Variants in ENTPD5 observed in about 807,000 individuals in gnomAD.
ENTPD5 encodes ectonucleoside triphosphate diphosphohydrolase 5 (inactive).
In ENTPD5, 49 loss-of-function variants were observed where a neutral mutation model predicts 60.2. That is an observed-to-expected ratio of 0.81 (90% CI 0.65 to 1.03). The LOEUF (loss-of-function observed/expected upper bound fraction) is 1.03. Ranked by LOEUF, ENTPD5 falls within the 50% of genes least tolerant of loss-of-function variation. The probability of loss-of-function intolerance (pLI) is 0.00; values close to 1 mark genes in which losing one functional copy is unlikely to be tolerated. For missense variants in ENTPD5, 480 were observed against 507.6 expected, an observed-to-expected ratio of 0.95 and a Z score of 0.52; for synonymous variants, 187 against 185.4, an observed-to-expected ratio of 1.01 and a Z score of -0.07.
At chr14:73,971,184 G>A (rs1272155220) in intron 14 of ENTPD5, among the ~76,000 whole-genome samples, 6 of 149,644 alleles carry the variant, frequency 4.0e-5, no homozygotes, top group African/African-American at 1.5e-4. Context: ...TTGAGGTGGA[G>A]TCTCACTCTG....
At chr14:73,962,315 C>T (rs2056780410), downstream of ENTPD5, among the ~76,000 whole-genome samples, 1 of 151,828 alleles carries the variant, frequency 6.6e-6, no homozygotes, top group South Asian at 2.1e-4. Flanking sequence ...TTTGCCTTCC[C>T]AAGGGTTACA....
At position 73,964,846 on chromosome 14, in the gene ENTPD5, G is replaced by A. The variant is rs2056909169; in HGVS notation, c.*2082C>T. On this transcript the variant is annotated 3_prime_UTR_variant, in exon 16 of 16. Transcript: ENST00000334696. ...CCACTTAGAAGATAGGTAGATTTCAGCTCAATATAAGGAATTTTTTTTAAT... is the reference window on the plus strand; with the variant it reads ...CCACTTAGAAGATAGGTAGATTTCAACTCAATATAAGGAATTTTTTTTAAT... 1.3e-5 allele frequency: 2 copies of A among 149,810 alleles called. No homozygotes were observed. Among genetic ancestry groups the A allele is most frequent in the Middle Eastern group, 6.9e-3 (2 of 290 alleles). 9.3% of individuals were successfully genotyped at this position (149,810 alleles called of 1,614,324 possible).
chr14:73,974,096 T>A (rs972805650), intron 11 of ENTPD5, 118 bp from the exon 12 acceptor site: 2 of 742,154 alleles, frequency 2.7e-6, no homozygotes, highest in Non-Finnish European at 4.6e-6. Context: ...TAAAATCCTA[T>A]GAAATTAATT....
chr14:73,988,272 A>G (rs2057987768), intron 3 of ENTPD5, 100 bp from the exon 4 acceptor site: 3 of 1,156,012 alleles, frequency 2.6e-6, no homozygotes, highest in Non-Finnish European at 3.5e-6. Flanking sequence ...TTCCTTCCCT[A>G]TTCTAATAAC....
intron 1 of ENTPD5, 36 bp from the exon 2 acceptor site, chr14:74,015,966 A>C (rs2059004319): frequency 6.6e-6 from 1 of 152,182 alleles, no homozygotes; most frequent in East Asian, 1.9e-4. Flanking sequence ...CAAGTCAACA[A>C]AACATGAAGT....
At chr14:73,993,254 C>G (rs1453793276) in intron 3 of ENTPD5, among the ~76,000 whole-genome samples, 1 of 152,084 alleles carries the variant, frequency 6.6e-6, no homozygotes, top group Non-Finnish European at 1.5e-5. Flanking sequence ...GGGAGGATCT[C>G]TGGATCCCGG....
chr14:73,992,236 G>A (rs2058164958), intron 3 of ENTPD5, among the ~76,000 whole-genome samples: 1 of 152,056 alleles, frequency 6.6e-6, no homozygotes, highest in Non-Finnish European at 1.5e-5. Flanking sequence ...GACAAGATCT[G>A]ATTCTAAAGT....
chr14:73,962,890 C>A, downstream of ENTPD5: 1 of 1,181,532 alleles, frequency 8.5e-7, no homozygotes, highest in Non-Finnish European at 1.3e-6. Flanking sequence ...GGAAGAATAC[C>A]TACGTGATTA....
chr14:73,978,141 A>G (rs1036128867), intron 6 of ENTPD5, among the ~76,000 whole-genome samples: 2 of 152,226 alleles, frequency 1.3e-5, no homozygotes, highest in Non-Finnish European at 2.9e-5. Context: ...TAAGTTATAT[A>G]TAAACAAACT....
intron 15 of ENTPD5, among the ~76,000 whole-genome samples, chr14:73,967,636 G>A (rs1202913579): frequency 6.6e-6 from 1 of 151,480 alleles, no homozygotes; most frequent in African/African-American, 2.4e-5. Context: ...GCAAAACCCC[G>A]TCTCTACAAA....
At chr14:74,012,098 GTATTT>G (rs2058862326) in intron 2 of ENTPD5, among the ~76,000 whole-genome samples, 1 of 151,988 alleles carries the variant, frequency 6.6e-6, no homozygotes, top group Admixed American at 6.6e-5. Flanking sequence ...AAGTAAACAT[GTATTT>G]TATTTATTTT....
chr14:74,016,862 C>T (rs2140892037), intron 1 of ENTPD5, among the ~76,000 whole-genome samples: 1 of 152,344 alleles, frequency 6.6e-6, no homozygotes, highest in Non-Finnish European at 1.5e-5. Context: ...ATGCCCTACT[C>T]TCTTTTCTGC....
At chr14:73,999,527 G>T (rs2140767544) in intron 3 of ENTPD5, among the ~76,000 whole-genome samples, 1 of 139,244 alleles carries the variant, frequency 7.2e-6, no homozygotes, top group South Asian at 2.3e-4. Flanking sequence ...CGGGCACGGT[G>T]GCTCACTCCT....
chr14:73,960,227 A>G (rs740504), downstream of ENTPD5: 150,995 of 986,806 alleles, frequency 0.15, 11,922 homozygotes, highest in Admixed American at 0.21. Flanking sequence ...TAGTAGATAG[A>G]TGTGGGTTCA....
At position 73,965,334 on chromosome 14, in the gene ENTPD5, C is replaced by T. The variant is rs1339388541; in HGVS notation, c.*1594G>A. ...GGGGAAATACACTCCTGCAAAGAAGCTGGAGGTTAACAACCAAGGCAAAGG... is the reference window on the plus strand; with the variant it reads ...GGGGAAATACACTCCTGCAAAGAAGTTGGAGGTTAACAACCAAGGCAAAGG... On this transcript the variant is annotated 3_prime_UTR_variant, in exon 16 of 16. Transcript: ENST00000334696. 1 of 152,152 alleles carries T rather than the reference C, an allele frequency of 6.6e-6. No homozygotes were observed. The highest frequency in any genetic ancestry group is 2.4e-5 in the African/African-American group (1 of 41,430). 9.4% of individuals were successfully genotyped at this position (152,152 alleles called of 1,614,324 possible).
At chr14:73,958,364 A>G, downstream of ENTPD5, 1 of 1,599,148 alleles carries the variant, frequency 6.3e-7, no homozygotes, top group Non-Finnish European at 8.5e-7. Context: ...GATTTAAGCT[A>G]TAGTTTAATT....
chr14:73,960,623 A>G, downstream of ENTPD5: 1 of 1,037,628 alleles, frequency 9.6e-7, no homozygotes, highest in Non-Finnish European at 1.2e-6. Context: ...TCTATGTAGC[A>G]GGCTCTGGAG....
Position 73,972,918 on chromosome 14 carries a change from G to C in ENTPD5, c.993C>G (p.Tyr331Ter). 6.2e-7 allele frequency: 1 copy of C among 1,614,212 alleles called. No homozygotes were observed. Among genetic ancestry groups the C allele is most frequent in the Non-Finnish European group, 8.5e-7 (1 of 1,180,030 alleles). ...VQRGSFYAFS[Y>*]YYDRAVDTDM... ...CTGTGTCAACAGCTCGGTCATAATA[G>C]TAAGAGAAAGCATAGAAGGAACCTC... The change falls in exon 13 of 16, where the codon TAC (tyrosine) becomes TAG (stop). Residue 331 changes from tyrosine (Y) to a stop codon, truncating the protein, a stop_gained. Coordinates refer to ENST00000334696, the MANE Select transcript of ENTPD5 (RefSeq NM_001249.5). LOFTEE classifies it high-confidence loss of function.
rs2056956219 is a variant in ENTPD5, at chr14:73,965,950, A to G, written c.*978T>C. ...AAATAATTCAAAGGATATTAGCTAA[A>G]GTGATCAGGGACCAGGACAGGAAGG... On this transcript the variant is annotated 3_prime_UTR_variant, in exon 16 of 16. Coordinates refer to ENST00000334696, the MANE Select transcript of ENTPD5 (RefSeq NM_001249.5). 6.6e-6 allele frequency: 1 copy of G among 152,222 alleles called. No homozygotes were observed. Among genetic ancestry groups the G allele is most frequent in the African/African-American group, 2.4e-5 (1 of 41,450 alleles). The allele number at this position is 152,222 out of a possible 1,614,324, so 9.4% of individuals were successfully genotyped here.
Sources: gnomAD v4.1 joint callset for allele counts (sites outside exome capture counted in the v4.1 genomes callset) on GRCh38, gnomAD v4.1.1 for gene constraint, MANE v1.5 for transcripts, NCBI Gene and HGNC (gene_info 2026-07-23, HGNC 2026-07-21) for gene names.